The following KCNK1 variants were observed in gnomAD, a reference collection of about 807,000 sequenced individuals.
The protein encoded by KCNK1 is potassium two pore domain channel subfamily K member 1.
A neutral mutation model predicts 22.2 loss-of-function variants in KCNK1; 10 were observed. The observed-to-expected ratio is 0.45, with a 90% CI of 0.28 to 0.76. KCNK1 has a LOEUF of 0.76. Among genes scored for constraint, KCNK1 ranks in the 30% least tolerant of loss-of-function variants. KCNK1 has a pLI of 0.14. For synonymous variants in KCNK1, 200 were observed against 186.4 expected, an observed-to-expected ratio of 1.07 and a Z score of -0.60; for missense variants, 378 against 421.0, an observed-to-expected ratio of 0.90 and a Z score of 0.89.
intron 1 of KCNK1, among the ~76,000 whole-genome samples, chr1:233,636,992 C>T (rs1657910292): frequency 6.6e-6 from 1 of 151,900 alleles, no homozygotes; most frequent in African/African-American, 2.4e-5. Flanking sequence ...GTCAGGAGAT[C>T]AAGACCATCC....
intron 1 of KCNK1, among the ~76,000 whole-genome samples, chr1:233,645,574 C>T (rs982629308): frequency 1.6e-4 from 24 of 152,208 alleles, no homozygotes; most frequent in East Asian, 5.8e-4. Context: ...CTACAGCCTT[C>T]GGAGGGACTG....
intron 1 of KCNK1, chr1:233,636,422 A>G (rs1657897612): frequency 6.6e-6 from 1 of 152,254 alleles, no homozygotes; most frequent in Non-Finnish European, 1.5e-5. Flanking sequence ...TGGTAGAGCT[A>G]GTAAGATTTG....
chr1:233,654,106 G>T (rs521777), intron 1 of KCNK1, among the ~76,000 whole-genome samples: 8,264 of 151,922 alleles, frequency 0.054, 312 homozygotes, highest in Non-Finnish European at 0.075. Flanking sequence ...TGAACAGAAC[G>T]TTGGCAGAAA....
intron 1 of KCNK1, among the ~76,000 whole-genome samples, chr1:233,656,653 G>A (rs973097379): frequency 2.0e-5 from 3 of 152,106 alleles, no homozygotes; most frequent in Admixed American, 6.6e-5. Context: ...AGAGTCTCTC[G>A]TCGTCTAGGC....
chr1:233,650,055 G>A (rs763598635), intron 1 of KCNK1: 6 of 533,254 alleles, frequency 1.1e-5, no homozygotes, highest in Admixed American at 9.7e-5. Flanking sequence ...ACCAGGTGAT[G>A]TGACACTTTC....
At chr1:233,630,411 T>G (rs560256763) in intron 1 of KCNK1, 1 of 152,224 alleles carries the variant, frequency 6.6e-6, no homozygotes, top group East Asian at 1.9e-4. Context: ...ATGCTTTGCA[T>G]TTTGTAATTG....
chr1:233,652,522 T>C (rs1658220120), intron 1 of KCNK1, among the ~76,000 whole-genome samples: 3 of 152,236 alleles, frequency 2.0e-5, no homozygotes. Context: ...TAAAGGAGGT[T>C]ATGCCTTTAA....
At chr1:233,663,811 G>C (rs1658442172) in intron 1 of KCNK1, among the ~76,000 whole-genome samples, 1 of 151,660 alleles carries the variant, frequency 6.6e-6, no homozygotes, top group African/African-American at 2.4e-5. Flanking sequence ...CTACATTTGC[G>C]AATCGCTTTT....
chr1:233,620,063 AAAAAAG>A (rs910419199), intron 1 of KCNK1, among the ~76,000 whole-genome samples: 4 of 152,322 alleles, frequency 2.6e-5, no homozygotes, highest in South Asian at 2.1e-4. Flanking sequence ...TTGGGACAAA[AAAAAAG>A]AAAAAGAAAA....
intron 1 of KCNK1, among the ~76,000 whole-genome samples, chr1:233,646,290 T>C (rs1658092364): frequency 6.6e-6 from 1 of 152,174 alleles, no homozygotes. Flanking sequence ...ATACCCATAC[T>C]TGTGCTCCAT....
chr1:233,650,119 G>A, intron 1 of KCNK1: 1 of 497,902 alleles, frequency 2.0e-6, no homozygotes, highest in Admixed American at 2.2e-5. Flanking sequence ...GAGACCTACA[G>A]TTCTCACCAA....
chr1:233,618,703 G>A (rs1004489314), intron 1 of KCNK1, among the ~76,000 whole-genome samples: 25 of 152,208 alleles, frequency 1.6e-4, no homozygotes, highest in African/African-American at 5.3e-4. Context: ...GGCCAACATG[G>A]TGAAACCCCA....
Position 233,667,545 on chromosome 1 carries a change from A to G in KCNK1, c.751+555A>G, listed in dbSNP as rs187152167. Among the ~76,000 whole-genome samples, 679 of 151,920 alleles carry G rather than the reference A, an allele frequency of 4.5e-3. 3 individuals carry two copies. Among genetic ancestry groups the G allele is most frequent in the African/African-American group, 0.016 (650 of 41,472 alleles). On this transcript the variant is annotated intron_variant, in intron 2 of 2. Coordinates refer to ENST00000366621, the MANE Select transcript of KCNK1 (RefSeq NM_002245.4). ...GGAGATCGAGACCATCCTGGCTAACACGGTGAAACCCCGTCTGTACTAAAA... is the reference window on the plus strand; with the variant it reads ...GGAGATCGAGACCATCCTGGCTAACGCGGTGAAACCCCGTCTGTACTAAAA...
intron 1 of KCNK1, among the ~76,000 whole-genome samples, chr1:233,632,743 G>A (rs894664725): frequency 1.3e-5 from 2 of 152,126 alleles, no homozygotes; most frequent in Non-Finnish European, 2.9e-5. Flanking sequence ...CCTGAGGATC[G>A]TGGGTTTGGG....
intron 1 of KCNK1, among the ~76,000 whole-genome samples, chr1:233,628,738 C>T (rs953671696): frequency 7.7e-6 from 1 of 130,088 alleles, no homozygotes; most frequent in African/African-American, 4.2e-5. Flanking sequence ...CAAGCCTGGG[C>T]AACAGAGCAA....
chr1:233,665,055 TTAGC>T (rs1367224781), intron 1 of KCNK1, among the ~76,000 whole-genome samples: 2 of 152,170 alleles, frequency 1.3e-5, no homozygotes, highest in Non-Finnish European at 2.9e-5. Flanking sequence ...AGTCCCCTGA[TTAGC>T]TAGATTTGGG....
At position 233,666,926 on chromosome 1, in the gene KCNK1, G is replaced by C. The variant is rs756669837; in HGVS notation, c.687G>C (p.Gly229=). 2.9e-5 allele frequency: 46 copies of C among 1,613,904 alleles called. No individual in the cohort carries two copies. The Admixed American group carries it at 7.3e-4, about 26-fold the overall frequency. ...TTTCCCTGAGCACCATTGGCCTGGGGGATTATGTGCCTGGGGAAGGCTACA... is the reference window on the plus strand; with the variant it reads ...TTTCCCTGAGCACCATTGGCCTGGGCGATTATGTGCCTGGGGAAGGCTACA... The part of the protein sequence containing the change: ...CFISLSTIGL[G]DYVPGEGYNQ... The change falls in exon 2 of 3, where the codon GGG becomes GGC. Residue 229 remains glycine, a synonymous_variant. Transcript: ENST00000366621.
At position 233,666,502 on chromosome 1, in the gene KCNK1, G is replaced by A. The variant is rs955401025; in HGVS notation, c.356-93G>A. 4.9e-6 allele frequency: 6 copies of A among 1,235,352 alleles called. No homozygotes were observed. The African/African-American group carries it at 7.5e-5, about 16-fold the overall frequency. The allele number at this position is 1,235,352 out of a possible 1,614,324, so 76.5% of individuals were successfully genotyped here. The stretch of plus-strand genomic sequence containing the variant: ...CTCGCTGTTCTCTTTGGTTTGAGGG[G>A]AATAAGGGCAGATGATAGGCATATA... On this transcript the variant is annotated intron_variant, in intron 1 of 2. Transcript: ENST00000366621.
At chr1:233,663,753 G>A (rs2102909411) in intron 1 of KCNK1, among the ~76,000 whole-genome samples, 1 of 152,202 alleles carries the variant, frequency 6.6e-6, no homozygotes, top group Admixed American at 6.5e-5. Context: ...CTGGTCATGT[G>A]AGCACTGTTG....
Sources: gnomAD v4.1 joint callset for allele counts (sites outside exome capture counted in the v4.1 genomes callset) on GRCh38, gnomAD v4.1.1 for gene constraint, MANE v1.5 for transcripts, NCBI Gene and HGNC (gene_info 2026-07-23, HGNC 2026-07-21) for gene names.